SMARCA2: variants seen among roughly 807,000 people sequenced by gnomAD.
The protein encoded by SMARCA2 is SWI/SNF-related matrix-associated actin-dependent regulator of chromatin subfamily A member 2.
In SMARCA2, 61 loss-of-function variants were observed where a neutral mutation model predicts 199.8. The observed-to-expected ratio is 0.31, with a 90% CI of 0.25 to 0.38. SMARCA2 has a LOEUF of 0.38. Ranked by LOEUF, SMARCA2 falls within the 10% of genes least tolerant of loss-of-function variation. The probability of loss-of-function intolerance (pLI) is 1.00; values close to 1 mark genes in which losing one functional copy is unlikely to be tolerated. For missense variants in SMARCA2, 1,344 were observed against 2,012.2 expected (o/e 0.67, Z 6.35); for synonymous variants, 935 against 732.0 (o/e 1.28, Z -4.48).
chr9:2,191,465 C>T (rs1827879364), intron 33 of SMARCA2, 57 bp downstream of exon 33: 3 of 1,588,610 alleles, frequency 1.9e-6, no homozygotes, highest in Non-Finnish European at 8.6e-7. Flanking sequence ...GCTTGCTGGC[C>T]TCTTGCATTT....
At chr9:2,057,660 C>T (rs1484737769) in intron 7 of SMARCA2, among the ~76,000 whole-genome samples, 5 of 152,168 alleles carry the variant, frequency 3.3e-5, no homozygotes, top group Admixed American at 3.3e-4. Flanking sequence ...ACATTCCTTT[C>T]TGGGGGTTTG....
chr9:2,141,191 G>A (rs1779805037), intron 27 of SMARCA2, among the ~76,000 whole-genome samples: 1 of 98,408 alleles, frequency 1.0e-5, no homozygotes, highest in African/African-American at 4.3e-5. Context: ...CTTTCTCTCA[G>A]TATATCTACT....
chr9:2,083,362 G>A lies in SMARCA2; in HGVS notation c.2364G>A (p.Trp788Ter). ...TGTTCCATAGGACTCTATCTAACTG[G>A]ACATATGAATTTGACAAATGGGCTC... ...IIVPLSTLSN[W>*]TYEFDKWAPS... Residue 788 changes from tryptophan (W) to a stop codon, truncating the protein, a stop_gained, in exon 16 of 34, where the codon TGG becomes TGA. Coordinates refer to ENST00000349721, the MANE Select transcript of SMARCA2 (RefSeq NM_003070.5). LOFTEE classifies it high-confidence loss of function. 1 of 1,600,448 alleles carries A rather than the reference G, an allele frequency of 6.2e-7. No individual in the cohort carries two copies.
At chr9:2,071,922 A>G (rs1821106711) in intron 10 of SMARCA2, 2 of 151,674 alleles carry the variant, frequency 1.3e-5, no homozygotes, top group Admixed American at 6.6e-5. Flanking sequence ...GTTCAAAACC[A>G]TTGCTTTAGC....
At chr9:2,106,288 C>T (rs2130564203) in intron 23 of SMARCA2, among the ~76,000 whole-genome samples, 1 of 152,268 alleles carries the variant, frequency 6.6e-6, no homozygotes, top group South Asian at 2.1e-4. Context: ...ATACAGGCTT[C>T]TTCTCTAGCT....
intron 17 of SMARCA2, among the ~76,000 whole-genome samples, 174 bp downstream of exon 17, chr9:2,084,370 C>CTGTGTG (rs3057851): frequency 0.018 from 2,366 of 132,358 alleles, 71 homozygotes; most frequent in African/African-American, 0.056. Context: ...TTCATGCATG[C>CTGTGTG]TGTGTGTGTG....
chr9:2,180,656 G>T (rs1368710901), intron 29 of SMARCA2, among the ~76,000 whole-genome samples: 1 of 152,206 alleles, frequency 6.6e-6, no homozygotes. Context: ...TTATTGATCT[G>T]AGTAGACCAA....
At chr9:2,179,762 A>G (rs372950194) in intron 29 of SMARCA2, among the ~76,000 whole-genome samples, 13 of 152,312 alleles carry the variant, frequency 8.5e-5, no homozygotes, top group East Asian at 3.9e-4. Context: ...TCTGTTGGCA[A>G]TGTAGAAGAT....
At chr9:2,074,990 A>G (rs1821262221) in intron 12 of SMARCA2, 2 of 152,242 alleles carry the variant, frequency 1.3e-5, no homozygotes, top group African/African-American at 4.8e-5. Flanking sequence ...TAAGTGACCT[A>G]CTGGAAGAAG....
chr9:2,157,420 C>G (rs1369940142), intron 27 of SMARCA2, among the ~76,000 whole-genome samples: 1 of 152,166 alleles, frequency 6.6e-6, no homozygotes, highest in African/African-American at 2.4e-5. Context: ...ACCCCACCCC[C>G]ATGCCCAGCA....
intron 3 of SMARCA2, among the ~76,000 whole-genome samples, chr9:2,033,766 G>T (rs907350188): frequency 3.3e-5 from 5 of 152,202 alleles, no homozygotes; most frequent in African/African-American, 1.2e-4. Context: ...TCTGGTGGTT[G>T]CCAGCAATCC....
At chr9:2,083,313 C>A in intron 15 of SMARCA2, 34 bp from the exon 16 acceptor site, 1 of 1,411,882 alleles carries the variant, frequency 7.1e-7, no homozygotes, top group Non-Finnish European at 9.7e-7. Context: ...ATACAAATGT[C>A]TTTTTTCTGT....
At chr9:2,180,555 G>A (rs1228940335) in intron 29 of SMARCA2, among the ~76,000 whole-genome samples, 2 of 152,252 alleles carry the variant, frequency 1.3e-5, no homozygotes, top group East Asian at 3.9e-4. Flanking sequence ...ATTAATTTTT[G>A]ATATTTCTGG....
At chr9:2,142,487 A>G (rs1043720241) in intron 27 of SMARCA2, among the ~76,000 whole-genome samples, 1 of 152,172 alleles carries the variant, frequency 6.6e-6, no homozygotes, top group Non-Finnish European at 1.5e-5. Context: ...TCAGATAAAC[A>G]GCTTGGTTTC....
At chr9:2,136,825 G>T (rs1007985173) in intron 27 of SMARCA2, among the ~76,000 whole-genome samples, 1 of 152,096 alleles carries the variant, frequency 6.6e-6, no homozygotes, top group Non-Finnish European at 1.5e-5. Context: ...GACTTTTAGG[G>T]GTTTAAGCTG....
chr9:2,023,716 A>C (rs1818702414), intron 1 of SMARCA2, among the ~76,000 whole-genome samples: 1 of 152,126 alleles, frequency 6.6e-6, no homozygotes, highest in Admixed American at 6.5e-5. Flanking sequence ...TGTTCTCCTT[A>C]CCCACCCCGC....
intron 30 of SMARCA2, 102 bp downstream of exon 30, chr9:2,181,778 C>G: frequency 1.5e-6 from 1 of 688,160 alleles, no homozygotes; most frequent in Non-Finnish European, 2.6e-6. Flanking sequence ...TGATGGGTAC[C>G]CAGGGCTCGC....
At chr9:2,185,156 T>G (rs1218082269) in intron 31 of SMARCA2, among the ~76,000 whole-genome samples, 2 of 152,198 alleles carry the variant, frequency 1.3e-5, no homozygotes, top group African/African-American at 4.8e-5. Flanking sequence ...ACTCTGAAAC[T>G]GCGTGCCTAC....
intron 1 of SMARCA2, among the ~76,000 whole-genome samples, chr9:2,023,743 G>A (rs1383831049): frequency 6.6e-6 from 1 of 152,122 alleles, no homozygotes; most frequent in African/African-American, 2.4e-5. Context: ...TCCCCATTAA[G>A]AATAACAGTG....
Sources: allele counts gnomAD v4.1 joint callset (sites outside exome capture counted in the v4.1 genomes callset), GRCh38; gene constraint gnomAD v4.1.1; transcripts MANE v1.5; gene names NCBI Gene and HGNC (gene_info 2026-07-23, HGNC 2026-07-21).